Variants in SGCZ observed in about 807,000 individuals in gnomAD.
SGCZ encodes sarcoglycan zeta, also known as zeta-sarcoglycan.
Under a neutral mutation model 41.3 loss-of-function variants are expected in SGCZ, and 40 were observed. The ratio of observed to expected loss-of-function variants is 0.97; its 90% CI spans 0.75 to 1.26. SGCZ has a LOEUF of 1.26. Among genes scored for constraint, SGCZ ranks in the 50% most tolerant of loss-of-function variants. The pLI is 0.00. For synonymous variants in SGCZ, 206 were observed against 137.5 expected (o/e 1.50, Z -3.49); for missense variants, 552 against 369.8 (o/e 1.49, Z -4.04).
chr8:14,858,729 T>C (rs1346314316), intron 1 of SGCZ, among the ~76,000 whole-genome samples: 2 of 152,146 alleles, frequency 1.3e-5, no homozygotes, highest in African/African-American at 4.8e-5. Flanking sequence ...ACATTGGTCA[T>C]CTGGAAAATA....
intron 1 of SGCZ, among the ~76,000 whole-genome samples, chr8:14,642,821 C>A (rs1484233832): frequency 6.6e-6 from 1 of 151,314 alleles, no homozygotes; most frequent in African/African-American, 2.4e-5. Context: ...TGTACTGAAA[C>A]ACAGCATGAT....
chr8:14,544,138 C>T (rs1338299383), intron 2 of SGCZ, among the ~76,000 whole-genome samples: 1 of 152,042 alleles, frequency 6.6e-6, no homozygotes, highest in East Asian at 1.9e-4. Flanking sequence ...GCTGTGGCAG[C>T]GGAACATAAA....
At chr8:14,656,006 T>A (rs2117468655) in intron 1 of SGCZ, among the ~76,000 whole-genome samples, 1 of 152,228 alleles carries the variant, frequency 6.6e-6, no homozygotes, top group East Asian at 1.9e-4. Context: ...ACTCACCCCT[T>A]GAAGCACATC....
intron 1 of SGCZ, among the ~76,000 whole-genome samples, chr8:14,837,058 A>C (rs1585305771): frequency 6.6e-6 from 1 of 152,238 alleles, no homozygotes; most frequent in East Asian, 1.9e-4. Context: ...TAAAGCCCTA[A>C]ATTTAAATAC....
chr8:14,287,927 T>C (rs10089704), intron 3 of SGCZ, among the ~76,000 whole-genome samples: 108,227 of 152,026 alleles, frequency 0.71, 39,835 homozygotes, highest in Non-Finnish European at 0.8. Context: ...AGAGGGACTA[T>C]AGGATTTATT....
chr8:14,192,102 T>C (rs1805123085), intron 4 of SGCZ, among the ~76,000 whole-genome samples: 1 of 152,066 alleles, frequency 6.6e-6, no homozygotes, highest in Non-Finnish European at 1.5e-5. Context: ...AGCACATATA[T>C]ATAAAGTGGT....
intron 1 of SGCZ, among the ~76,000 whole-genome samples, chr8:14,574,475 C>G (rs1804650050): frequency 6.6e-6 from 1 of 152,124 alleles, no homozygotes; most frequent in Non-Finnish European, 1.5e-5. Context: ...CAGAGGGATC[C>G]TGCCATGTAC....
intron 5 of SGCZ, among the ~76,000 whole-genome samples, chr8:14,118,650 G>C (rs1394321665): frequency 6.6e-6 from 1 of 152,154 alleles, no homozygotes; most frequent in East Asian, 1.9e-4. Flanking sequence ...CCTATGTCCT[G>C]AGTGGTATTG....
chr8:14,224,877 C>T lies in SGCZ; in HGVS notation c.424+12715G>A, dbSNP rs949876169. On this transcript the variant is annotated intron_variant, in intron 4 of 7. Coordinates refer to ENST00000382080, the MANE Select transcript of SGCZ (RefSeq NM_139167.4). ...GTTACTTATACTGTGACCCTACCAA[C>T]GTTTTCCTCAAGCCACTAAATATTC... Among the ~76,000 whole-genome samples, 22 of 152,164 alleles carry T rather than the reference C, an allele frequency of 1.4e-4. 1 individual carries two copies. The highest frequency in any genetic ancestry group is 1.2e-3 in the Admixed American group (19 of 15,272).
At chr8:14,919,097 T>G (rs576349872) in intron 1 of SGCZ, among the ~76,000 whole-genome samples, 1 of 152,332 alleles carries the variant, frequency 6.6e-6, no homozygotes, top group Admixed American at 6.5e-5. Context: ...AATAAAATTA[T>G]TGATAACACT....
chr8:14,900,747 T>C (rs1030328419), intron 1 of SGCZ, among the ~76,000 whole-genome samples: 1 of 152,198 alleles, frequency 6.6e-6, no homozygotes, highest in African/African-American at 2.4e-5. Flanking sequence ...TGAAGTCAGA[T>C]AAAGATGCAA....
chr8:14,294,306 C>A (rs1303559041), intron 3 of SGCZ, among the ~76,000 whole-genome samples: 1 of 151,722 alleles, frequency 6.6e-6, no homozygotes, highest in African/African-American at 2.4e-5. Context: ...CTCACCGACA[C>A]AACATTACTA....
At chr8:14,325,741 CACACACATATATAT>C (rs1350333956) in intron 2 of SGCZ, among the ~76,000 whole-genome samples, 6 of 32,052 alleles carry the variant, frequency 1.9e-4, no homozygotes, top group Non-Finnish European at 2.9e-4. Flanking sequence ...CACACACACA[CACACACATATATAT>C]ATATATATAT....
At chr8:14,417,007 T>A (rs1486120332) in intron 2 of SGCZ, among the ~76,000 whole-genome samples, 2 of 151,842 alleles carry the variant, frequency 1.3e-5, no homozygotes, top group African/African-American at 4.8e-5. Context: ...ATTGTTATCT[T>A]TGATACTTCT....
intron 1 of SGCZ, among the ~76,000 whole-genome samples, chr8:14,767,452 T>A (rs909871556): frequency 7.9e-5 from 12 of 152,208 alleles, no homozygotes; most frequent in Non-Finnish European, 1.8e-4. Context: ...ATTTTCTCAA[T>A]TTTACAATCA....
chr8:14,649,645 A>G (rs527929744), intron 1 of SGCZ, among the ~76,000 whole-genome samples: 1 of 152,238 alleles, frequency 6.6e-6, no homozygotes, highest in East Asian at 1.9e-4. Context: ...TTAAGTTTTC[A>G]GTTACTGGAA....
chr8:14,569,777 G>T (rs113681397), intron 1 of SGCZ, among the ~76,000 whole-genome samples: 2,275 of 152,260 alleles, frequency 0.015, 52 homozygotes, highest in African/African-American at 0.047. Flanking sequence ...CCAGGAGGTC[G>T]TGAAGGAGGG....
intron 2 of SGCZ, among the ~76,000 whole-genome samples, chr8:14,506,809 T>G (rs1430060281): frequency 2.0e-5 from 3 of 152,174 alleles, no homozygotes; most frequent in Non-Finnish European, 4.4e-5. Context: ...TTGAAAATCC[T>G]GTTTGACTTC....
intron 1 of SGCZ, among the ~76,000 whole-genome samples, chr8:14,646,565 A>T (rs920294011): frequency 6.6e-6 from 1 of 151,820 alleles, no homozygotes; most frequent in Admixed American, 6.6e-5. Flanking sequence ...TTTCTTTTGG[A>T]TATACATCCG....
Sources: gnomAD v4.1 joint callset for allele counts (sites outside exome capture counted in the v4.1 genomes callset) on GRCh38, gnomAD v4.1.1 for gene constraint, MANE v1.5 for transcripts, NCBI Gene and HGNC (gene_info 2026-07-23, HGNC 2026-07-21) for gene names.